RGL1: variants seen among roughly 807,000 people sequenced by gnomAD.
The protein encoded by RGL1 is ral guanine nucleotide dissociation stimulator-like 1.
RGL1 carries 24 observed loss-of-function variants against 95.2 expected under a neutral mutation model. The observed-to-expected ratio is 0.25, with a 90% CI of 0.18 to 0.35. The LOEUF (loss-of-function observed/expected upper bound fraction) is 0.35, where lower values mean the gene tolerates loss of function less well. RGL1 is among the 10% of genes least tolerant of loss of function. The pLI is 1.00. For missense variants in RGL1, 715 were observed against 936.3 expected (o/e 0.76, Z 3.08); for synonymous variants, 329 against 344.9 (o/e 0.95, Z 0.51).
intron 4 of RGL1, among the ~76,000 whole-genome samples, chr1:183,872,009 A>G (rs575987818): frequency 6.6e-6 from 1 of 152,206 alleles, no homozygotes; most frequent in Admixed American, 6.5e-5. Context: ...ATTTATTTCT[A>G]GGATTCCTAA....
chr1:183,711,354 A>G (rs1655253049), intron 1 of RGL1, among the ~76,000 whole-genome samples: 1 of 152,182 alleles, frequency 6.6e-6, no homozygotes, highest in Non-Finnish European at 1.5e-5. Flanking sequence ...GATGTAGTTC[A>G]ATGACATTCA....
At chr1:183,773,494 AT>A (rs1266284683) in intron 2 of RGL1, among the ~76,000 whole-genome samples, 2 of 152,198 alleles carry the variant, frequency 1.3e-5, no homozygotes, top group Admixed American at 6.5e-5. Context: ...ATTTCTGGGA[AT>A]TAGTGGTGTT....
intron 1 of RGL1, among the ~76,000 whole-genome samples, chr1:183,706,571 T>C (rs926037209): frequency 2.0e-5 from 3 of 152,084 alleles, no homozygotes; most frequent in Admixed American, 1.3e-4. Flanking sequence ...TGACTTCCAG[T>C]TGGGTCCTCC....
intron 5 of RGL1, 118 bp from the exon 6 acceptor site, chr1:183,883,668 G>A: frequency 9.2e-7 from 1 of 1,082,656 alleles, no homozygotes; most frequent in Non-Finnish European, 1.4e-6. Context: ...TTGTCTCCCT[G>A]TGGCTGTTCT....
intron 2 of RGL1, among the ~76,000 whole-genome samples, chr1:183,842,062 A>G (rs891581681): frequency 3.9e-5 from 6 of 152,208 alleles, no homozygotes; most frequent in African/African-American, 1.4e-4. Context: ...GTTGTAGGGC[A>G]TATGAAAAGG....
At chr1:183,647,917 C>T (rs1206308615) in intron 1 of RGL1, 1 of 1,614,134 alleles carries the variant, frequency 6.2e-7, no homozygotes, top group South Asian at 1.1e-5. Flanking sequence ...ACAACAGGAG[C>T]CCTGAGGTCT....
intron 1 of RGL1, among the ~76,000 whole-genome samples, chr1:183,714,396 A>G (rs372269826): frequency 7.9e-5 from 12 of 152,338 alleles, no homozygotes; most frequent in African/African-American, 2.6e-4. Flanking sequence ...TAGAGAACCT[A>G]TTCCATCTAT....
chr1:183,907,193 T>C lies in RGL1; in HGVS notation c.1562+92T>C, dbSNP rs187619945. On this transcript the variant is annotated intron_variant, in intron 14 of 17. Coordinates refer to ENST00000360851, the MANE Select transcript of RGL1 (RefSeq NM_001297671.3). Reference sequence around the variant, plus strand: ...TCAACAGGATGACCTTGAGCCAGGGTGAAAGTGAAGAGCACTCCGCTCATT... The same window carrying C: ...TCAACAGGATGACCTTGAGCCAGGGCGAAAGTGAAGAGCACTCCGCTCATT... The C allele has an allele frequency of 1.3e-5, 10 of 754,070 alleles. No individual in the cohort carries two copies. In the East Asian group the frequency reaches 2.1e-4, roughly 16 times the overall value. 46.7% of individuals were successfully genotyped at this position (754,070 alleles called of 1,614,324 possible). A position where few individuals can be genotyped will look rare whatever the true frequency, so the allele number is the denominator to read the frequency against.
chr1:183,696,273 C>A (rs1654248078), intron 1 of RGL1, among the ~76,000 whole-genome samples: 1 of 152,210 alleles, frequency 6.6e-6, no homozygotes, highest in Non-Finnish European at 1.5e-5. Context: ...TTCTCAGCTT[C>A]CTTTCTGTGC....
At chr1:183,652,984 C>T (rs1650876248) in intron 1 of RGL1, 1 of 152,238 alleles carries the variant, frequency 6.6e-6, no homozygotes, top group Non-Finnish European at 1.5e-5. Flanking sequence ...ACAGTTTGCA[C>T]TGGAGTAATT....
intron 2 of RGL1, among the ~76,000 whole-genome samples, chr1:183,788,650 C>T (rs1374083495): frequency 3.3e-5 from 5 of 152,126 alleles, no homozygotes; most frequent in African/African-American, 9.7e-5. Context: ...TATTTATTTA[C>T]CTGGCCCTTG....
At chr1:183,810,929 T>C (rs1381788755) in intron 2 of RGL1, among the ~76,000 whole-genome samples, 1 of 152,246 alleles carries the variant, frequency 6.6e-6, no homozygotes, top group African/African-American at 2.4e-5. Flanking sequence ...TACTTGTTTG[T>C]TATCTTCCAT....
rs146495235 is a variant in RGL1, at chr1:183,738,755, G to T, written c.-32-3371G>T. Reference sequence around the variant, plus strand: ...GTCTCTGTTAAAAATACAAAAATTAGCTGGGCGTGGTGGCAGGCATCTGTA... The same window carrying T: ...GTCTCTGTTAAAAATACAAAAATTATCTGGGCGTGGTGGCAGGCATCTGTA... On this transcript the variant is annotated intron_variant, in intron 1 of 18. Transcript: ENST00000304685. 2.2e-3 allele frequency among the ~76,000 whole-genome samples: 331 copies of T among 152,172 alleles called. 1 individual carries two copies. Among genetic ancestry groups the T allele is most frequent in the African/African-American group, 7.6e-3 (317 of 41,512 alleles).
intron 2 of RGL1, among the ~76,000 whole-genome samples, chr1:183,845,070 T>A (rs1664326588): frequency 6.6e-6 from 1 of 152,234 alleles, no homozygotes; most frequent in South Asian, 2.1e-4. Flanking sequence ...GCAAACATGC[T>A]ACTTAGTAAG....
In RGL1 at chr1:183,916,655, G is replaced by A. The variant is rs762555890; in HGVS notation, c.1958G>A (p.Arg653His). Residue 653 changes from arginine (R) to histidine (H), a missense_variant, in exon 16 of 18, where the codon CGC becomes CAC. Coordinates refer to ENST00000360851, the MANE Select transcript of RGL1 (RefSeq NM_001297671.3). ...NQQNEDTCII[R>H]ISVEDNNGNM... ...CAGAATGAAGACACCTGCATAATCC[G>A]CATCAGTGTGGAAGACAATAACGGC... 28 of 1,613,480 alleles carry A rather than the reference G, an allele frequency of 1.7e-5. No homozygotes were observed. The highest frequency in any genetic ancestry group is 4.5e-5 in the East Asian group (2 of 44,880).
chr1:183,724,901 C>T lies in RGL1; in HGVS notation c.-32-17225C>T, dbSNP rs981753956. Among the ~76,000 whole-genome samples the T allele has an allele frequency of 1.3e-5, 2 of 151,992 alleles. No individual in the cohort carries two copies. Among genetic ancestry groups the T allele is most frequent in the African/African-American group, 4.8e-5 (2 of 41,376 alleles). On this transcript the variant is annotated intron_variant, in intron 1 of 18. Transcript: ENST00000304685. This position sits in a 1 kb window ranked among gnomAD's most constrained non-coding sequence, Gnocchi z 4.1. ...TGCTGGCTTCAGGTCTAACCTAGCA[C>T]AGTCCCAGTGGTAGTGGCCACAGGG...
chr1:183,762,629 A>C (rs923998924), intron 2 of RGL1, among the ~76,000 whole-genome samples: 1 of 152,250 alleles, frequency 6.6e-6, no homozygotes, highest in African/African-American at 2.4e-5. Flanking sequence ...GCCAACAAAC[A>C]TATGAAAAGA....
intron 4 of RGL1, among the ~76,000 whole-genome samples, chr1:183,877,657 C>T (rs61809233): frequency 6.6e-6 from 1 of 152,172 alleles, no homozygotes; most frequent in African/African-American, 2.4e-5. Context: ...TCCTCCTCCC[C>T]CTTCATTCCT....
At chr1:183,729,081 A>T (rs1656475323) in intron 1 of RGL1, among the ~76,000 whole-genome samples, 1 of 152,190 alleles carries the variant, frequency 6.6e-6, no homozygotes, top group Non-Finnish European at 1.5e-5. Flanking sequence ...TAGCATAAAC[A>T]TAAAAAGTAT....
Sources: gnomAD v4.1 joint callset for allele counts (sites outside exome capture counted in the v4.1 genomes callset) on GRCh38, gnomAD v4.1.1 for gene constraint, Gnocchi (gnomAD v3.1) non-coding constraint, MANE v1.5 for transcripts, NCBI Gene and HGNC (gene_info 2026-07-23, HGNC 2026-07-21) for gene names.